CNTNAP2: variants seen among roughly 807,000 people sequenced by gnomAD.
The protein encoded by CNTNAP2 is contactin-associated protein-like 2.
In CNTNAP2, 98 loss-of-function variants were observed where a neutral mutation model predicts 155.2. The ratio of observed to expected loss-of-function variants is 0.63; its 90% CI spans 0.54 to 0.75. The LOEUF (loss-of-function observed/expected upper bound fraction) is 0.75, where lower values mean the gene tolerates loss of function less well. CNTNAP2 is among the 30% of genes least tolerant of loss of function. CNTNAP2 has a pLI of 0.00. For synonymous variants in CNTNAP2, 651 were observed against 631.2 expected (o/e 1.03, Z -0.47); for missense variants, 1,727 against 1,688.1 (o/e 1.02, Z -0.40).
intron 8 of CNTNAP2, among the ~76,000 whole-genome samples, chr7:147,181,012 G>A (rs1290815283): frequency 1.3e-5 from 2 of 152,106 alleles, no homozygotes; most frequent in Admixed American, 1.3e-4. Flanking sequence ...CTTAAAATAT[G>A]TCAGTAACTA....
Position 147,108,270 on chromosome 7 carries a change from T to G in CNTNAP2, c.674T>G (p.Ile225Ser). Residue 225 changes from isoleucine to serine, a missense_variant, in exon 5 of 24, where the codon ATC (isoleucine) becomes AGC (serine). Physicochemically the swap from Ile to Ser is moderately radical, Grantham distance 142. Transcript: ENST00000361727. ...NFKTSESEGV[I>S]LHGEGQQGDY... ...AAGACGTCTGAAAGTGAAGGAGTAA[T>G]CCTGCACGGAGAAGGACAGCAAGGA... The G allele has an allele frequency of 6.2e-7, 1 of 1,613,762 alleles. No individual in the cohort carries two copies. Among genetic ancestry groups the G allele is most frequent in the African/African-American group, 1.3e-5 (1 of 75,018 alleles).
At chr7:148,371,988 C>T (rs1387396829) in intron 21 of CNTNAP2, among the ~76,000 whole-genome samples, 1 of 152,066 alleles carries the variant, frequency 6.6e-6, no homozygotes, top group Non-Finnish European at 1.5e-5. Flanking sequence ...ATCACAAGGT[C>T]AGGAGATCGA....
At chr7:147,915,554 CTG>C (rs201864461) in intron 14 of CNTNAP2, among the ~76,000 whole-genome samples, 26 of 151,654 alleles carry the variant, frequency 1.7e-4, no homozygotes, top group African/African-American at 2.2e-4. Context: ...ATGTGCTTGT[CTG>C]TGTGTGTGTG....
At chr7:146,996,661 A>T (rs746286311) in intron 3 of CNTNAP2, among the ~76,000 whole-genome samples, 5 of 152,018 alleles carry the variant, frequency 3.3e-5, no homozygotes, top group Admixed American at 6.6e-5. Flanking sequence ...GCAAACAAGG[A>T]TACTTTAACT....
At chr7:146,584,499 C>T (rs978396431) in intron 1 of CNTNAP2, among the ~76,000 whole-genome samples, 1 of 152,182 alleles carries the variant, frequency 6.6e-6, no homozygotes, top group Non-Finnish European at 1.5e-5. Context: ...TTTAAGGAGT[C>T]CACTTTCCTT....
rs559017160 is a variant in CNTNAP2 at position 146,805,817 on chromosome 7, T to C, written c.208+31436T>C. On this transcript the variant is annotated intron_variant, in intron 2 of 23. Coordinates refer to ENST00000361727, the MANE Select transcript of CNTNAP2 (RefSeq NM_014141.6). ...AAGTTTATATTTATTTGAACTGTTG[T>C]ATTAGTCTTCCTATTATTAACAGAG... 2.2e-4 allele frequency among the ~76,000 whole-genome samples: 33 copies of C among 152,358 alleles called. No homozygotes were observed. The South Asian group carries it at 6.8e-3, about 32-fold the overall frequency.
At chr7:147,821,211 A>T (rs912419465) in intron 13 of CNTNAP2, among the ~76,000 whole-genome samples, 1 of 152,162 alleles carries the variant, frequency 6.6e-6, no homozygotes, top group Non-Finnish European at 1.5e-5. Context: ...TTATGAAAAG[A>T]TTAATTTTTA....
At chr7:148,172,186 AT>A in intron 17 of CNTNAP2, 55 bp from the exon 18 acceptor site, 1 of 1,542,206 alleles carries the variant, frequency 6.5e-7, no homozygotes, top group African/African-American at 1.4e-5. Flanking sequence ...AATATGAAGA[AT>A]TAAGCAATAG....
chr7:148,187,453 T>C (rs998435786), intron 18 of CNTNAP2, among the ~76,000 whole-genome samples: 1 of 152,162 alleles, frequency 6.6e-6, no homozygotes, highest in Admixed American at 6.5e-5. Context: ...GAATTACTGA[T>C]TGATGGTTGC....
At chr7:146,803,337 G>A (rs566001357) in intron 2 of CNTNAP2, among the ~76,000 whole-genome samples, 1 of 152,284 alleles carries the variant, frequency 6.6e-6, no homozygotes, top group Admixed American at 6.5e-5. Context: ...GATGGAATGT[G>A]AATAAGATAA....
chr7:147,507,156 C>G (rs1239191593), intron 11 of CNTNAP2, among the ~76,000 whole-genome samples: 1 of 152,180 alleles, frequency 6.6e-6, no homozygotes, highest in Non-Finnish European at 1.5e-5. Flanking sequence ...TCTCCCCGCT[C>G]TGCTTCCTTC....
At chr7:147,518,438 G>A (rs1360731093) in intron 11 of CNTNAP2, among the ~76,000 whole-genome samples, 1 of 152,194 alleles carries the variant, frequency 6.6e-6, no homozygotes, top group African/African-American at 2.4e-5. Flanking sequence ...GCTCAGTCAA[G>A]GTCTGGACTT....
chr7:147,114,268 GAGA>G (rs1461387003), intron 5 of CNTNAP2, among the ~76,000 whole-genome samples: 2 of 152,156 alleles, frequency 1.3e-5, no homozygotes, highest in Non-Finnish European at 2.9e-5. Flanking sequence ...GTGTAGTGAT[GAGA>G]AGTATGCATA....
At chr7:146,761,844 G>A (rs945543163) in intron 1 of CNTNAP2, among the ~76,000 whole-genome samples, 1 of 151,890 alleles carries the variant, frequency 6.6e-6, no homozygotes, top group African/African-American at 2.4e-5. Flanking sequence ...TCAATGGTAG[G>A]TCCTCCGTGT....
At chr7:147,994,196 C>A (rs1801763454) in intron 15 of CNTNAP2, among the ~76,000 whole-genome samples, 1 of 151,948 alleles carries the variant, frequency 6.6e-6, no homozygotes, top group Non-Finnish European at 1.5e-5. Context: ...CATAGCAAGA[C>A]CCTGTATTTA....
chr7:146,155,835 G>T (rs1798117199), intron 1 of CNTNAP2, among the ~76,000 whole-genome samples: 1 of 151,856 alleles, frequency 6.6e-6, no homozygotes, highest in African/African-American at 2.4e-5. Context: ...AAGTAGCTGG[G>T]ATTACAGGTG....
At chr7:146,444,232 C>T (rs2129120520) in intron 1 of CNTNAP2, among the ~76,000 whole-genome samples, 1 of 152,168 alleles carries the variant, frequency 6.6e-6, no homozygotes, top group African/African-American at 2.4e-5. Flanking sequence ...ACCACGTTGG[C>T]CAGGCTGGTC....
At chr7:146,209,395 G>A (rs1388400657) in intron 1 of CNTNAP2, among the ~76,000 whole-genome samples, 5 of 152,138 alleles carry the variant, frequency 3.3e-5, no homozygotes, top group African/African-American at 4.8e-5. Context: ...TGCAACATCA[G>A]CTATCATTTT....
At chr7:147,530,181 A>G (rs1296551969) in intron 11 of CNTNAP2, among the ~76,000 whole-genome samples, 1 of 133,458 alleles carries the variant, frequency 7.5e-6, no homozygotes, top group African/African-American at 2.8e-5. Flanking sequence ...GGAAGGCAAA[A>G]GGCACTTTTT....
Sources: gnomAD v4.1 joint callset for allele counts (sites outside exome capture counted in the v4.1 genomes callset) on GRCh38, gnomAD v4.1.1 for gene constraint, MANE v1.5 for transcripts, NCBI Gene and HGNC (gene_info 2026-07-23, HGNC 2026-07-21) for gene names.